The following CDIN1 variants were observed in gnomAD, a reference collection of about 807,000 sequenced individuals.
The protein encoded by CDIN1 is CDAN1-interacting nuclease 1.
CDIN1 carries 33 observed loss-of-function variants against 45.3 expected under a neutral mutation model. The observed-to-expected ratio is 0.73, with a 90% CI of 0.55 to 0.97. The LOEUF (loss-of-function observed/expected upper bound fraction) is 0.97. Among genes scored for constraint, CDIN1 ranks in the 50% least tolerant of loss-of-function variants. The probability of loss-of-function intolerance (pLI) is 0.00; values close to 1 mark genes in which losing one functional copy is unlikely to be tolerated. For synonymous variants in CDIN1, 118 were observed against 124.4 expected (o/e 0.95, Z 0.34); for missense variants, 303 against 339.4 (o/e 0.89, Z 0.84).
intron 1 of CDIN1, among the ~76,000 whole-genome samples, chr15:36,598,012 A>G (rs1402053886): frequency 1.3e-5 from 2 of 152,126 alleles, no homozygotes; most frequent in African/African-American, 4.8e-5. Context: ...TTCTTTTGAG[A>G]CCGGGTCTCA....
chr15:36,774,984 C>T (rs1235839685), intron 10 of CDIN1, among the ~76,000 whole-genome samples: 1 of 152,044 alleles, frequency 6.6e-6, no homozygotes, highest in Non-Finnish European at 1.5e-5. Context: ...GTTTTTATTA[C>T]TTTTTATTGT....
At chr15:36,749,948 C>G (rs1002619115) in intron 10 of CDIN1, among the ~76,000 whole-genome samples, 5 of 152,198 alleles carry the variant, frequency 3.3e-5, no homozygotes, top group African/African-American at 1.2e-4. Context: ...TGCCTTTTAG[C>G]AGAGCCAGTA....
chr15:36,597,553 A>G (rs955694169), intron 1 of CDIN1, among the ~76,000 whole-genome samples: 2 of 152,206 alleles, frequency 1.3e-5, no homozygotes, highest in Non-Finnish European at 2.9e-5. Context: ...ACTGAGCAAG[A>G]TTATTTTCCT....
intron 1 of CDIN1, chr15:36,613,887 A>G (rs1219114386): frequency 7.7e-6 from 12 of 1,561,762 alleles, no homozygotes; most frequent in Middle Eastern, 1.7e-4. Context: ...ACTGAAGGAG[A>G]CTTGGAACGC....
At chr15:36,619,774 GA>G (rs765473967) in intron 1 of CDIN1, among the ~76,000 whole-genome samples, 44 of 152,120 alleles carry the variant, frequency 2.9e-4, no homozygotes, top group Non-Finnish European at 4.3e-4. Flanking sequence ...TGCCATCTCT[GA>G]TTATATGGCC....
rs187034399 is a variant in CDIN1 at position 36,685,011 on chromosome 15, G to T, written c.347-6674G>T. 6.9e-3 allele frequency among the ~76,000 whole-genome samples: 1,050 copies of T among 152,024 alleles called. 15 individuals carry two copies. Among genetic ancestry groups the T allele is most frequent in the African/African-American group, 0.024 (984 of 41,458 alleles). On this transcript the variant is annotated intron_variant, in intron 5 of 10. Coordinates refer to ENST00000566621, the MANE Select transcript of CDIN1 (RefSeq NM_001321759.2). Reference sequence around the variant, plus strand: ...CTTGCTAGCGGTCTATCTATTTTGTGGATCTTTTCAAAACACCAGCTCCTG... The same window carrying T: ...CTTGCTAGCGGTCTATCTATTTTGTTGATCTTTTCAAAACACCAGCTCCTG...
intron 1 of CDIN1, among the ~76,000 whole-genome samples, chr15:36,642,141 T>C (rs536233866): frequency 2.0e-5 from 3 of 152,304 alleles, no homozygotes; most frequent in African/African-American, 7.2e-5. Context: ...GTGTCCCTTC[T>C]CAGCATTAAC....
chr15:36,777,322 C>T (rs2054244291), intron 10 of CDIN1, among the ~76,000 whole-genome samples: 1 of 151,992 alleles, frequency 6.6e-6, no homozygotes, highest in East Asian at 1.9e-4. Context: ...CACCCACACA[C>T]CCTACCAAAC....
chr15:36,636,741 C>T (rs1165694813), intron 1 of CDIN1, among the ~76,000 whole-genome samples: 2 of 152,002 alleles, frequency 1.3e-5, no homozygotes, highest in Non-Finnish European at 2.9e-5. Flanking sequence ...TCCTACATTC[C>T]AGGAAGGGGA....
chr15:36,749,390 A>G (rs2053396613), intron 10 of CDIN1, among the ~76,000 whole-genome samples: 1 of 152,212 alleles, frequency 6.6e-6, no homozygotes. Context: ...CCCTGGATTC[A>G]CCTGCAGTGC....
intron 7 of CDIN1, among the ~76,000 whole-genome samples, chr15:36,694,663 A>C (rs1202635849): frequency 6.6e-6 from 1 of 152,130 alleles, no homozygotes; most frequent in African/African-American, 2.4e-5. Flanking sequence ...CCAAGGAAAA[A>C]ATGTGAGAAA....
At chr15:36,609,342 G>C (rs531798898) in intron 1 of CDIN1, among the ~76,000 whole-genome samples, 1 of 152,156 alleles carries the variant, frequency 6.6e-6, no homozygotes, top group Non-Finnish European at 1.5e-5. Flanking sequence ...TATCATCTAA[G>C]TTGACAATTT....
intron 1 of CDIN1, among the ~76,000 whole-genome samples, chr15:36,620,725 A>G (rs2039145934): frequency 6.6e-6 from 1 of 152,186 alleles, no homozygotes; most frequent in Admixed American, 6.5e-5. Flanking sequence ...TCAGTGTTAA[A>G]GATGAAACAT....
intron 10 of CDIN1, among the ~76,000 whole-genome samples, chr15:36,769,689 A>G (rs558355132): frequency 1.3e-5 from 2 of 152,278 alleles, no homozygotes; most frequent in Non-Finnish European, 2.9e-5. Context: ...CGTGAAGCTG[A>G]AAAAGGTTTA....
At chr15:36,618,644 G>A in intron 1 of CDIN1, 1 of 822,970 alleles carries the variant, frequency 1.2e-6, no homozygotes, top group Admixed American at 1.7e-5. Context: ...GAAGTGTTGA[G>A]AGTTAGTTGC....
chr15:36,588,212 C>A (rs564572845), intron 1 of CDIN1, among the ~76,000 whole-genome samples: 47 of 152,076 alleles, frequency 3.1e-4, no homozygotes, highest in Non-Finnish European at 5.0e-4. Flanking sequence ...TTAAGTATTT[C>A]ACAGTGATAT....
At chr15:36,696,084 G>C (rs1385427496) in intron 7 of CDIN1, among the ~76,000 whole-genome samples, 1 of 152,074 alleles carries the variant, frequency 6.6e-6, no homozygotes, top group Non-Finnish European at 1.5e-5. Flanking sequence ...CCCTGTGCAG[G>C]TTCCTTCTAG....
chr15:36,736,406 G>C (rs1480949665), intron 10 of CDIN1, among the ~76,000 whole-genome samples: 1 of 151,990 alleles, frequency 6.6e-6, no homozygotes, highest in Non-Finnish European at 1.5e-5. Flanking sequence ...CATGCTGGTG[G>C]CCTCTACTCC....
rs535753892 is a variant in CDIN1 at position 36,786,088 on chromosome 15, A to G, written c.717-22236A>G. 8.5e-4 allele frequency among the ~76,000 whole-genome samples: 129 copies of G among 152,320 alleles called. 1 individual carries two copies. The highest frequency in any genetic ancestry group is 2.9e-3 in the African/African-American group (122 of 41,572). On this transcript the variant is annotated intron_variant, in intron 10 of 10. Coordinates refer to ENST00000566621, the MANE Select transcript of CDIN1 (RefSeq NM_001321759.2). ...AGTTCAATACTGACAGTGTTCATAC[A>G]CTAAGAGAAAATGAAAGTAAAGCAA...
Sources: gnomAD v4.1 joint callset for allele counts (sites outside exome capture counted in the v4.1 genomes callset) on GRCh38, gnomAD v4.1.1 for gene constraint, MANE v1.5 for transcripts, NCBI Gene and HGNC (gene_info 2026-07-23, HGNC 2026-07-21) for gene names.